WDR70: variants seen among roughly 807,000 people sequenced by gnomAD.
The protein encoded by WDR70 is WD repeat-containing protein 70.
WDR70 carries 53 observed loss-of-function variants against 88.6 expected under a neutral mutation model. That is an observed-to-expected ratio of 0.60 (90% CI 0.48 to 0.75). The LOEUF (loss-of-function observed/expected upper bound fraction) is 0.75, where lower values mean the gene tolerates loss of function less well. Among genes scored for constraint, WDR70 ranks in the 30% least tolerant of loss-of-function variants. WDR70 has a pLI of 0.00. For synonymous variants in WDR70, 280 were observed against 270.0 expected (o/e 1.04, Z -0.36); for missense variants, 610 against 823.2 (o/e 0.74, Z 3.17).
chr5:37,729,844 C>T (rs955200701), intron 17 of WDR70, among the ~76,000 whole-genome samples: 6 of 152,068 alleles, frequency 3.9e-5, no homozygotes, highest in African/African-American at 1.4e-4. Flanking sequence ...AGAGAACTGT[C>T]TCTTCCTCTT....
Position 37,443,459 on chromosome 5 carries a change from A to G in WDR70, c.686+87A>G, listed in dbSNP as rs77042649. On this transcript the variant is annotated intron_variant, in intron 7 of 17. Coordinates refer to ENST00000265107, the MANE Select transcript of WDR70 (RefSeq NM_018034.4). ...TGCTGTTGGCTTTGGAATCCCATCTACAATGATTTGTATCAAAATACATTA... is the reference window on the plus strand; with the variant it reads ...TGCTGTTGGCTTTGGAATCCCATCTGCAATGATTTGTATCAAAATACATTA... The G allele has an allele frequency of 1.6e-3, 2,388 of 1,456,856 alleles. 42 individuals are homozygous for G. The East Asian group carries it at 0.035, about 21-fold the overall frequency. 90.2% of individuals were successfully genotyped at this position (1,456,856 alleles called of 1,614,324 possible).
chr5:37,419,214 T>C (rs1198889345), intron 5 of WDR70, among the ~76,000 whole-genome samples: 2 of 149,040 alleles, frequency 1.3e-5, no homozygotes, highest in Non-Finnish European at 3.0e-5. Context: ...AAGTGTTTCT[T>C]TTTTTTTTTT....
Position 37,679,081 on chromosome 5 carries a change from A to T in WDR70, c.1093-18574A>T, listed in dbSNP as rs757750611. Among the ~76,000 whole-genome samples the T allele has an allele frequency of 1.4e-3, 220 of 152,220 alleles. 1 individual carries two copies. Among genetic ancestry groups the T allele is most frequent in the East Asian group, 0.01 (52 of 5,176 alleles). ...TTCTCGAGCCTTGGCTTTCAGCTCC[A>T]TCAGCTCCTTTAAGCACTTCTCTGT... On this transcript the variant is annotated intron_variant, in intron 10 of 17. Transcript: ENST00000265107.
chr5:37,552,971 T>C (rs1272636454), intron 9 of WDR70, among the ~76,000 whole-genome samples: 1 of 152,236 alleles, frequency 6.6e-6, no homozygotes, highest in Non-Finnish European at 1.5e-5. Flanking sequence ...AGAGTTTTCC[T>C]GTAGGTACTT....
At chr5:37,457,093 T>G (rs1352681881) in intron 7 of WDR70, among the ~76,000 whole-genome samples, 1 of 152,114 alleles carries the variant, frequency 6.6e-6, no homozygotes, top group Non-Finnish European at 1.5e-5. Context: ...CGCATAACAC[T>G]TTGATAATGT....
At chr5:37,488,702 G>A (rs1419583725) in intron 8 of WDR70, among the ~76,000 whole-genome samples, 3 of 151,708 alleles carry the variant, frequency 2.0e-5, no homozygotes, top group East Asian at 3.9e-4. Flanking sequence ...TTGTTTTTCT[G>A]GTTCCTTTGT....
intron 9 of WDR70, among the ~76,000 whole-genome samples, chr5:37,570,584 G>A (rs1020825158): frequency 2.0e-5 from 3 of 152,106 alleles, no homozygotes; most frequent in Non-Finnish European, 4.4e-5. Flanking sequence ...AGACAAAGAA[G>A]AGTCCACAGA....
intron 3 of WDR70, 92 bp from the exon 4 acceptor site, chr5:37,391,908 T>C (rs1748831436): frequency 5.1e-6 from 7 of 1,374,886 alleles, no homozygotes; most frequent in Non-Finnish European, 6.9e-6. Context: ...TATATCTTTG[T>C]GACTATGTTA....
At chr5:37,531,321 G>A (rs1301710833) in intron 9 of WDR70, among the ~76,000 whole-genome samples, 1 of 152,060 alleles carries the variant, frequency 6.6e-6, no homozygotes. Flanking sequence ...TATAGTTTAA[G>A]TCCATTATTT....
At chr5:37,632,186 A>G (rs942396733) in intron 10 of WDR70, among the ~76,000 whole-genome samples, 6 of 152,210 alleles carry the variant, frequency 3.9e-5, no homozygotes, top group Admixed American at 3.3e-4. Context: ...TCGTGTTTGT[A>G]GTGATGCTGG....
chr5:37,709,925 A>G (rs1466741992), intron 13 of WDR70, among the ~76,000 whole-genome samples: 3 of 152,160 alleles, frequency 2.0e-5, no homozygotes, highest in East Asian at 3.9e-4. Context: ...AGCTGGGCTC[A>G]CCTACTAAGC....
intron 5 of WDR70, among the ~76,000 whole-genome samples, chr5:37,411,282 ATAATGTGCACAGATCT>A (rs1749513701): frequency 6.6e-6 from 1 of 152,216 alleles, no homozygotes; most frequent in Admixed American, 6.5e-5. Context: ...ATTTAATATA[ATAATGTGCACAGATCT>A]TAAAGGTTCA....
intron 7 of WDR70, among the ~76,000 whole-genome samples, chr5:37,476,865 C>T (rs1472846950): frequency 6.6e-6 from 1 of 152,290 alleles, no homozygotes; most frequent in South Asian, 2.1e-4. Flanking sequence ...GAGATTGGGT[C>T]TTGCTCTGTC....
intron 9 of WDR70, among the ~76,000 whole-genome samples, chr5:37,580,300 C>T (rs965356128): frequency 1.3e-5 from 2 of 152,316 alleles, no homozygotes; most frequent in African/African-American, 2.4e-5. Flanking sequence ...CTTTGGCCAA[C>T]AGCTCAACCC....
chr5:37,710,317 C>T (rs1581518166), intron 13 of WDR70, among the ~76,000 whole-genome samples: 1 of 151,816 alleles, frequency 6.6e-6, no homozygotes, highest in Admixed American at 6.6e-5. Context: ...AGAAGAGTAC[C>T]CCCTAAAAAC....
intron 8 of WDR70, among the ~76,000 whole-genome samples, chr5:37,510,532 A>C (rs1423423948): frequency 1.3e-5 from 2 of 152,196 alleles, no homozygotes; most frequent in African/African-American, 4.8e-5. Flanking sequence ...CCCTGGGCTC[A>C]AGCAATCCTT....
At chr5:37,559,185 GCCTC>G (rs1742408977) in intron 9 of WDR70, among the ~76,000 whole-genome samples, 1 of 152,060 alleles carries the variant, frequency 6.6e-6, no homozygotes, top group Non-Finnish European at 1.5e-5. Flanking sequence ...ACCCTCCTTG[GCCTC>G]CCTAAGTACT....
intron 10 of WDR70, among the ~76,000 whole-genome samples, chr5:37,691,969 A>T (rs927633393): frequency 2.0e-5 from 3 of 152,180 alleles, no homozygotes; most frequent in Non-Finnish European, 4.4e-5. Context: ...CAAGACTAAC[A>T]AAGAAGAAAA....
intron 10 of WDR70, among the ~76,000 whole-genome samples, chr5:37,607,506 A>G (rs1441851699): frequency 6.6e-6 from 1 of 152,222 alleles, no homozygotes; most frequent in Non-Finnish European, 1.5e-5. Flanking sequence ...GAAGTAAGGT[A>G]TCTCTATTAA....
Sources: allele counts gnomAD v4.1 joint callset (sites outside exome capture counted in the v4.1 genomes callset), GRCh38; gene constraint gnomAD v4.1.1; transcripts MANE v1.5; gene names NCBI Gene and HGNC (gene_info 2026-07-23, HGNC 2026-07-21).